CNIH3: variants seen among roughly 807,000 people sequenced by gnomAD.
The protein encoded by CNIH3 is cornichon family AMPA receptor auxiliary protein 3, also known as protein cornichon homolog 3.
In CNIH3, 14 loss-of-function variants were observed where a neutral mutation model predicts 24.1. The ratio of observed to expected loss-of-function variants is 0.58; its 90% CI spans 0.38 to 0.91. The LOEUF (loss-of-function observed/expected upper bound fraction) is 0.91. Among genes scored for constraint, CNIH3 ranks in the 40% least tolerant of loss-of-function variants. CNIH3 has a pLI of 0.00. For missense variants in CNIH3, 178 were observed against 196.8 expected (o/e 0.90, Z 0.57); for synonymous variants, 68 against 73.8 (o/e 0.92, Z 0.40).
At chr1:224,612,017 G>C (rs1170596960), upstream of CNIH3, among the ~76,000 whole-genome samples, 1 of 152,210 alleles carries the variant, frequency 6.6e-6, no homozygotes, top group East Asian at 1.9e-4. The surrounding 1 kb of genome is among the most constrained non-coding windows in gnomAD (Gnocchi z 4.7). Context: ...GCAGGACCAG[G>C]TAAATGGCAA....
chr1:224,522,888 C>T (rs1678696226), intron 2 of CNIH3, among the ~76,000 whole-genome samples: 1 of 152,142 alleles, frequency 6.6e-6, no homozygotes, highest in Admixed American at 6.5e-5. Context: ...TATCTTACTA[C>T]AAAGCAATTC....
intron 1 of CNIH3, among the ~76,000 whole-genome samples, chr1:224,450,333 G>A (rs1185944038): frequency 6.6e-6 from 1 of 152,170 alleles, no homozygotes; most frequent in Admixed American, 6.5e-5. Flanking sequence ...ACGGTATGAT[G>A]GTATGACGTG....
upstream of CNIH3, chr1:224,514,040 G>A (rs1678280500): frequency 6.6e-6 from 1 of 152,210 alleles, no homozygotes; most frequent in South Asian, 2.1e-4. Flanking sequence ...AAGGCAGAGA[G>A]CTTTCTTTAT....
rs138358813 is a variant in CNIH3, at chr1:224,644,772, T to C, written c.81+27517T>C. The stretch of plus-strand genomic sequence containing the variant: ...CTGAGGTTTTGCACACTGGTGGTGC[T>C]GAAGACGCCTCCAAGTTCAAAGGTC... On this transcript the variant is annotated intron_variant, in intron 1 of 5. Transcript: ENST00000272133. Among the ~76,000 whole-genome samples, 1,009 of 152,342 alleles carry C rather than the reference T, an allele frequency of 6.6e-3. 6 individuals are homozygous for C. The highest frequency in any genetic ancestry group is 8.2e-3 in the Non-Finnish European group (558 of 68,034).
chr1:224,655,044 G>A (rs1685034892), intron 1 of CNIH3, among the ~76,000 whole-genome samples: 1 of 152,182 alleles, frequency 6.6e-6, no homozygotes, highest in Non-Finnish European at 1.5e-5. Context: ...TTACAGAGGA[G>A]GTATAGGGTT....
At chr1:224,627,805 G>A (rs1024091397) in intron 1 of CNIH3, among the ~76,000 whole-genome samples, 1 of 152,194 alleles carries the variant, frequency 6.6e-6, no homozygotes, top group Non-Finnish European at 1.5e-5. Context: ...TCTCTCTCCA[G>A]GGGGCTGCCT....
intron 3 of CNIH3, among the ~76,000 whole-genome samples, chr1:224,686,988 C>T (rs1274363254): frequency 1.3e-5 from 2 of 152,212 alleles, no homozygotes; most frequent in East Asian, 3.8e-4. Flanking sequence ...TCCTTTTTCC[C>T]ACGCCACTGC....
At chr1:224,536,284 CTTTTTTT>C (rs373201561) in intron 2 of CNIH3, among the ~76,000 whole-genome samples, 3 of 86,048 alleles carry the variant, frequency 3.5e-5, no homozygotes, top group African/African-American at 1.5e-4. Flanking sequence ...TAATTGTTGT[CTTTTTTT>C]TTTTTTTTTT....
chr1:224,522,651 A>G (rs1302618333), intron 2 of CNIH3, among the ~76,000 whole-genome samples: 1 of 152,228 alleles, frequency 6.6e-6, no homozygotes, highest in African/African-American at 2.4e-5. Context: ...AATGAACAGG[A>G]AAAGTGCTCA....
intron 1 of CNIH3, among the ~76,000 whole-genome samples, chr1:224,632,609 C>T (rs1008347589): frequency 3.3e-5 from 5 of 151,718 alleles, no homozygotes; most frequent in African/African-American, 7.3e-5. Flanking sequence ...TATGTGAGAG[C>T]GGGGTGGGGT....
At chr1:224,710,463 C>T (rs527477442) in intron 3 of CNIH3, among the ~76,000 whole-genome samples, 1 of 152,336 alleles carries the variant, frequency 6.6e-6, no homozygotes, top group East Asian at 1.9e-4. Flanking sequence ...ATGATCTAAG[C>T]AAACCTTGAT....
intron 1 of CNIH3, among the ~76,000 whole-genome samples, chr1:224,667,750 C>T (rs1192009750): frequency 7.9e-6 from 1 of 126,004 alleles, no homozygotes; most frequent in Admixed American, 8.8e-5. Flanking sequence ...GCAGTCAGTC[C>T]AATAAAAAAA....
intron 1 of CNIH3, among the ~76,000 whole-genome samples, chr1:224,507,342 C>T (rs1677961325): frequency 1.3e-5 from 2 of 151,988 alleles, no homozygotes. Flanking sequence ...GCAATGTGAC[C>T]CTGGGCAAGT....
chr1:224,532,676 A>C (rs1332006802), intron 2 of CNIH3, among the ~76,000 whole-genome samples: 3 of 152,228 alleles, frequency 2.0e-5, no homozygotes, highest in African/African-American at 4.8e-5. Context: ...GATAATAGAA[A>C]TATTTTTGTT....
At chr1:224,449,827 C>T (rs1309058171) in intron 1 of CNIH3, among the ~76,000 whole-genome samples, 2 of 152,114 alleles carry the variant, frequency 1.3e-5, no homozygotes, top group African/African-American at 2.4e-5. Context: ...GGCCCAGTCT[C>T]CCTCAAGTCC....
chr1:224,531,160 T>C (rs773936659), intron 2 of CNIH3, among the ~76,000 whole-genome samples: 2 of 152,186 alleles, frequency 1.3e-5, no homozygotes, highest in Non-Finnish European at 2.9e-5. Flanking sequence ...ATTCCAGCTG[T>C]AGTCACATCA....
intron 1 of CNIH3, among the ~76,000 whole-genome samples, chr1:224,492,804 C>T (rs1489713100): frequency 6.6e-6 from 1 of 152,138 alleles, no homozygotes; most frequent in Non-Finnish European, 1.5e-5. Context: ...GCCTGTGCTC[C>T]GAGTCTACCT....
At chr1:224,617,342 G>T in intron 1 of CNIH3, 87 bp downstream of exon 1, 1 of 1,438,392 alleles carries the variant, frequency 7.0e-7, no homozygotes, top group Non-Finnish European at 9.6e-7. Context: ...CCTTGCGGGC[G>T]TGGGCGAACC....
At chr1:224,592,762 C>T (rs1681813611), downstream of CNIH3, among the ~76,000 whole-genome samples, 1 of 152,100 alleles carries the variant, frequency 6.6e-6, no homozygotes, top group Non-Finnish European at 1.5e-5. Context: ...TTGGCATGCA[C>T]CAGGAAGCTC....
Sources: allele counts gnomAD v4.1 joint callset (sites outside exome capture counted in the v4.1 genomes callset), GRCh38; gene constraint gnomAD v4.1.1; non-coding constraint Gnocchi (gnomAD v3.1); transcripts MANE v1.5; gene names NCBI Gene and HGNC (gene_info 2026-07-23, HGNC 2026-07-21).